Variants in RGS7 observed in about 807,000 individuals in gnomAD.
RGS7 encodes regulator of G-protein signaling 7.
Under a neutral mutation model 81.1 loss-of-function variants are expected in RGS7, and 27 were observed. The observed-to-expected ratio is 0.33, with a 90% CI of 0.25 to 0.46. RGS7 has a LOEUF of 0.46. Ranked by LOEUF, RGS7 falls within the 20% of genes least tolerant of loss-of-function variation. RGS7 has a pLI of 1.00. For missense variants in RGS7, 396 were observed against 607.4 expected (o/e 0.65, Z 3.66); for synonymous variants, 208 against 207.7 (o/e 1.00, Z -0.01).
intron 4 of RGS7, among the ~76,000 whole-genome samples, chr1:240,944,351 G>A (rs1678238923): frequency 7.9e-6 from 1 of 126,596 alleles, no homozygotes. Flanking sequence ...GCATAGAATA[G>A]TATTCAGATG....
chr1:240,971,833 T>A (rs1683250310), intron 4 of RGS7, among the ~76,000 whole-genome samples: 1 of 152,218 alleles, frequency 6.6e-6, no homozygotes, highest in African/African-American at 2.4e-5. Flanking sequence ...TGATCTCCTA[T>A]GGACATGACA....
intron 2 of RGS7, among the ~76,000 whole-genome samples, chr1:241,180,231 C>A (rs1291586498): frequency 6.6e-6 from 1 of 151,980 alleles, no homozygotes; most frequent in Non-Finnish European, 1.5e-5. Flanking sequence ...AAAAATTAGC[C>A]GGGCCTGGTG....
intron 10 of RGS7, among the ~76,000 whole-genome samples, chr1:240,819,045 A>C (rs1213415583): frequency 6.6e-6 from 1 of 152,234 alleles, no homozygotes; most frequent in Non-Finnish European, 1.5e-5. Context: ...AAATATGTGC[A>C]ATTATTATTT....
At chr1:241,340,678 C>G (rs2082491200) in intron 2 of RGS7, among the ~76,000 whole-genome samples, 1 of 151,024 alleles carries the variant, frequency 6.6e-6, no homozygotes, top group Non-Finnish European at 1.5e-5. Context: ...ACCCTGAAAA[C>G]TAAGGATGGA....
chr1:240,887,508 G>C (rs552154289), intron 6 of RGS7, among the ~76,000 whole-genome samples: 2 of 152,104 alleles, frequency 1.3e-5, no homozygotes, highest in Non-Finnish European at 2.9e-5. Flanking sequence ...GATTACAGGC[G>C]TGAGAGTATA....
intron 3 of RGS7, among the ~76,000 whole-genome samples, chr1:241,039,729 C>G (rs776197411): frequency 3.9e-5 from 6 of 152,180 alleles, no homozygotes; most frequent in Non-Finnish European, 8.8e-5. Flanking sequence ...ATTCTCCATG[C>G]TCTTTCCCCA....
At chr1:241,033,373 G>A (rs558737166) in intron 3 of RGS7, among the ~76,000 whole-genome samples, 12 of 151,964 alleles carry the variant, frequency 7.9e-5, no homozygotes, top group East Asian at 5.8e-4. Context: ...CTGGGGGAGC[G>A]GGGGAGGAAA....
At chr1:241,016,746 C>T (rs1192124229) in intron 3 of RGS7, among the ~76,000 whole-genome samples, 2 of 152,152 alleles carry the variant, frequency 1.3e-5, no homozygotes, top group East Asian at 1.9e-4. Flanking sequence ...TTTTTGGAGA[C>T]AGCATATTGT....
chr1:241,316,232 T>C (rs149256929), intron 2 of RGS7, among the ~76,000 whole-genome samples: 23 of 152,316 alleles, frequency 1.5e-4, no homozygotes, highest in Non-Finnish European at 2.6e-4. Flanking sequence ...CTCCAAGTGT[T>C]CACCTCTCTC....
At chr1:241,199,799 G>T (rs2073362745) in intron 2 of RGS7, among the ~76,000 whole-genome samples, 1 of 152,132 alleles carries the variant, frequency 6.6e-6, no homozygotes, top group African/African-American at 2.4e-5. Context: ...CAACTAGTCA[G>T]TGTCAGGATA....
At chr1:241,265,249 C>T (rs1024945557) in intron 2 of RGS7, among the ~76,000 whole-genome samples, 6 of 152,336 alleles carry the variant, frequency 3.9e-5, no homozygotes, top group African/African-American at 1.2e-4. Context: ...ATCTGTCCAG[C>T]GGCAGGTGCC....
intron 18 of RGS7, among the ~76,000 whole-genome samples, chr1:240,780,581 T>C (rs1683837114): frequency 6.6e-6 from 1 of 152,070 alleles, no homozygotes; most frequent in East Asian, 1.9e-4. Context: ...AAACTGTTTC[T>C]TTTAAAACTA....
intron 9 of RGS7, among the ~76,000 whole-genome samples, chr1:240,849,138 T>C (rs1659628839): frequency 6.6e-6 from 1 of 152,226 alleles, no homozygotes; most frequent in African/African-American, 2.4e-5. Flanking sequence ...AATTCTATCA[T>C]GTGGTGTGAG....
chr1:241,196,982 A>G (rs1027331144), intron 2 of RGS7, among the ~76,000 whole-genome samples: 36 of 120,938 alleles, frequency 3.0e-4, no homozygotes, highest in Middle Eastern at 4.2e-3. Flanking sequence ...GAATCCATCC[A>G]AAAGAATGTA....
At chr1:241,104,324 C>T (rs985522523) in intron 2 of RGS7, among the ~76,000 whole-genome samples, 1 of 152,110 alleles carries the variant, frequency 6.6e-6, no homozygotes, top group Non-Finnish European at 1.5e-5. Context: ...AATTGTCAAG[C>T]AATAAGTAGT....
chr1:241,261,775 A>G (rs79420764), intron 2 of RGS7, among the ~76,000 whole-genome samples: 1 of 151,500 alleles, frequency 6.6e-6, no homozygotes, highest in Admixed American at 6.6e-5. Flanking sequence ...TAACCAAAAA[A>G]CCCATATATA....
chr1:241,220,253 G>GTAAGGAA (rs1328267993), intron 2 of RGS7, among the ~76,000 whole-genome samples: 1 of 152,182 alleles, frequency 6.6e-6, no homozygotes, highest in East Asian at 1.9e-4. Flanking sequence ...CTTGGCCTAA[G>GTAAGGAA]TAAGGAATTC....
At chr1:240,927,701 T>A (rs1050101471) in intron 6 of RGS7, among the ~76,000 whole-genome samples, 2 of 152,200 alleles carry the variant, frequency 1.3e-5, no homozygotes, top group Non-Finnish European at 2.9e-5. Context: ...TTTTCTCCCA[T>A]ATCCTCTTAA....
rs1028346585 is a variant in RGS7, at chr1:240,936,488, G to A, written c.333+112C>T. 7 of 804,768 alleles carry A rather than the reference G, an allele frequency of 8.7e-6. No homozygotes were observed. In the African/African-American group the frequency reaches 1.2e-4, roughly 14 times the overall value. The allele number at this position is 804,768 out of a possible 1,614,324, so 49.9% of individuals were successfully genotyped here. A position where few individuals can be genotyped will look rare whatever the true frequency, so the allele number is the denominator to read the frequency against. ...GTTAATCAGTTTCTAACTAGCCTAA[G>A]TCAAAGTAAAATAAGTCATAGTTTT... On this transcript the variant is annotated intron_variant, in intron 5 of 18. Transcript: ENST00000440928.
Sources: gnomAD v4.1 joint callset for allele counts (sites outside exome capture counted in the v4.1 genomes callset) on GRCh38, gnomAD v4.1.1 for gene constraint, MANE v1.5 for transcripts, NCBI Gene and HGNC (gene_info 2026-07-23, HGNC 2026-07-21) for gene names.